The following KIAA2012 variants were observed in gnomAD, a reference collection of about 807,000 sequenced individuals.
The protein encoded by KIAA2012 is uncharacterized protein KIAA2012.
A neutral mutation model predicts 150.6 loss-of-function variants in KIAA2012; 125 were observed. The ratio of observed to expected loss-of-function variants is 0.83; its 90% CI spans 0.72 to 0.96. KIAA2012 has a LOEUF of 0.96. Ranked by LOEUF, KIAA2012 falls within the 40% of genes least tolerant of loss-of-function variation. The probability of loss-of-function intolerance (pLI) is 0.00; values close to 1 mark genes in which losing one functional copy is unlikely to be tolerated. For missense variants in KIAA2012, 1,219 were observed against 1,354.9 expected (o/e 0.90, Z 1.57); for synonymous variants, 462 against 504.7 (o/e 0.92, Z 1.13).
At chr2:202,119,718 C>G (rs932997232) in intron 11 of KIAA2012, among the ~76,000 whole-genome samples, 6 of 152,062 alleles carry the variant, frequency 3.9e-5, no homozygotes, top group Admixed American at 2.0e-4. Flanking sequence ...AGAAAACCTG[C>G]TGGGCCAGGC....
intron 13 of KIAA2012, among the ~76,000 whole-genome samples, chr2:202,141,514 C>T (rs975871606): frequency 6.6e-6 from 1 of 152,140 alleles, no homozygotes; most frequent in African/African-American, 2.4e-5. Context: ...ACTGCTTCCC[C>T]ACTGTGAACA....
At chr2:202,175,562 A>G (rs1691974935) in intron 15 of KIAA2012, among the ~76,000 whole-genome samples, 2 of 152,230 alleles carry the variant, frequency 1.3e-5, no homozygotes, top group South Asian at 2.1e-4. Context: ...CCAGAGAGCT[A>G]TCTTGCCCCT....
chr2:202,200,486 C>T (rs1045800041), intron 22 of KIAA2012, among the ~76,000 whole-genome samples: 7 of 151,874 alleles, frequency 4.6e-5, no homozygotes, highest in African/African-American at 1.2e-4. Flanking sequence ...AAAAGATGAC[C>T]AGTGGGGAGA....
At chr2:202,149,784 A>G (rs1279540142) in intron 13 of KIAA2012, among the ~76,000 whole-genome samples, 1 of 152,194 alleles carries the variant, frequency 6.6e-6, no homozygotes, top group Non-Finnish European at 1.5e-5. Flanking sequence ...CTCCTTCTTA[A>G]GGTTAGACTT....
chr2:202,090,056 C>T (rs992934465), intron 2 of KIAA2012, among the ~76,000 whole-genome samples: 2 of 152,212 alleles, frequency 1.3e-5, no homozygotes, highest in African/African-American at 4.8e-5. Flanking sequence ...ACACAAATAT[C>T]ACACATTTGC....
At chr2:202,168,568 G>C (rs562586866) in intron 15 of KIAA2012, among the ~76,000 whole-genome samples, 1 of 152,116 alleles carries the variant, frequency 6.6e-6, no homozygotes, top group Non-Finnish European at 1.5e-5. Context: ...ATAACATAAT[G>C]ATTTCTTTAC....
At chr2:202,138,582 G>T (rs1575031577) in intron 13 of KIAA2012, 74 bp downstream of exon 13, 2 of 1,109,876 alleles carry the variant, frequency 1.8e-6, no homozygotes, top group East Asian at 5.2e-5. Context: ...CTTGCTGTGT[G>T]CCCCTCAGTG....
rs191089741 is a variant in KIAA2012, at chr2:202,187,746, T to C, written c.2377-406T>C. ...ATAGTTGTGGTCATCTGCCTGAGGTTTCCTGAAAGTTAGCAAATCATTCTG... is the reference window on the plus strand; with the variant it reads ...ATAGTTGTGGTCATCTGCCTGAGGTCTCCTGAAAGTTAGCAAATCATTCTG... On this transcript the variant is annotated intron_variant, in intron 17 of 23. Transcript: ENST00000498697. 1.3e-4 allele frequency among the ~76,000 whole-genome samples: 20 copies of C among 152,338 alleles called. No homozygotes were observed. The East Asian group carries it at 3.9e-3, about 29-fold the overall frequency.
At chr2:202,082,265 G>A (rs1689467269) in intron 2 of KIAA2012, among the ~76,000 whole-genome samples, 1 of 152,112 alleles carries the variant, frequency 6.6e-6, no homozygotes, top group Non-Finnish European at 1.5e-5. Flanking sequence ...TGAGGCAGGA[G>A]GATCACTTGA....
At chr2:202,132,588 T>C (rs1690958812) in intron 12 of KIAA2012, among the ~76,000 whole-genome samples, 1 of 150,134 alleles carries the variant, frequency 6.7e-6, no homozygotes, top group Non-Finnish European at 1.5e-5. Context: ...CAGGGAAAAT[T>C]GCTTGAACCC....
chr2:202,167,455 C>A (rs1224282594), intron 15 of KIAA2012, among the ~76,000 whole-genome samples: 1 of 152,180 alleles, frequency 6.6e-6, no homozygotes, highest in Non-Finnish European at 1.5e-5. Flanking sequence ...AGTTTTGAAT[C>A]GCTGCCCTGG....
At chr2:202,145,302 G>T (rs1691272710) in intron 13 of KIAA2012, among the ~76,000 whole-genome samples, 1 of 151,990 alleles carries the variant, frequency 6.6e-6, no homozygotes. Flanking sequence ...AGCTTTGGTT[G>T]TGGAACTTTA....
intron 15 of KIAA2012, among the ~76,000 whole-genome samples, chr2:202,176,292 G>C (rs1259745220): frequency 1.3e-5 from 2 of 151,928 alleles, no homozygotes; most frequent in Non-Finnish European, 2.9e-5. Context: ...TGTCCCCTGG[G>C]TTCAAGCGAT....
Position 202,097,497 on chromosome 2 carries a change from G to A in KIAA2012, c.748G>A (p.Ala250Thr), listed in dbSNP as rs1689917455. The A allele has an allele frequency of 2.6e-6, 4 of 1,550,498 alleles. No homozygotes were observed. In the East Asian group the frequency reaches 7.3e-5, roughly 28 times the overall value. ...TGGACACGTGGACCAGGGCCCTCTA[G>A]CCAAGAACCATGGCAGTCAGGGGAC... is the stretch of plus-strand genomic sequence containing the variant. ...AAGHVDQGPL[A>T]KNHGSQGTRL... The change falls in exon 5 of 24, where the codon GCC (alanine) becomes ACC (threonine). Residue 250 changes from alanine (A) to threonine (T), a missense_variant. Coordinates refer to ENST00000498697, the MANE Select transcript of KIAA2012 (RefSeq NM_001277372.4).
chr2:202,096,971 A>G (rs917281318), intron 4 of KIAA2012, among the ~76,000 whole-genome samples: 4 of 152,210 alleles, frequency 2.6e-5, no homozygotes, highest in African/African-American at 2.4e-5. Flanking sequence ...GTAAAGAGCC[A>G]GGAGATAGCC....
At chr2:202,126,024 G>C (rs1034250358) in intron 12 of KIAA2012, 6 of 298,652 alleles carry the variant, frequency 2.0e-5, no homozygotes, top group Non-Finnish European at 3.6e-5. Flanking sequence ...GCAAGGTCTT[G>C]ACTCACTGCA....
At chr2:202,135,791 G>A in intron 12 of KIAA2012, 1 of 157,510 alleles carries the variant, frequency 6.3e-6, no homozygotes, top group Non-Finnish European at 1.4e-5. Flanking sequence ...TCCCAAGTGT[G>A]GATCATGGCC....
At chr2:202,118,875 C>G (rs1247012372) in intron 11 of KIAA2012, among the ~76,000 whole-genome samples, 1 of 152,228 alleles carries the variant, frequency 6.6e-6, no homozygotes, top group Non-Finnish European at 1.5e-5. Context: ...AGTAGGGACT[C>G]TCCTTCATTT....
At chr2:202,194,447 T>C in intron 21 of KIAA2012, 85 bp downstream of exon 21, 1 of 1,429,124 alleles carries the variant, frequency 7.0e-7, no homozygotes, top group Admixed American at 2.2e-5. Context: ...CATTTATTCC[T>C]ATCCTAGGCC....
Sources: allele counts gnomAD v4.1 joint callset (sites outside exome capture counted in the v4.1 genomes callset), GRCh38; gene constraint gnomAD v4.1.1; transcripts MANE v1.5; gene names NCBI Gene and HGNC (gene_info 2026-07-23, HGNC 2026-07-21).